The following PCDH9 variants were observed in gnomAD, a reference collection of about 807,000 sequenced individuals.
The protein encoded by PCDH9 is protocadherin 9.
In PCDH9, 24 loss-of-function variants were observed where a neutral mutation model predicts 70.6. The ratio of observed to expected loss-of-function variants is 0.34; its 90% confidence interval spans 0.25 to 0.48. The LOEUF (loss-of-function observed/expected upper bound fraction) is 0.48, where lower values mean the gene tolerates loss of function less well. Ranked by LOEUF, PCDH9 falls within the 20% of genes least tolerant of loss-of-function variation. PCDH9 has a pLI of 0.99. For synonymous variants in PCDH9, 562 were observed against 558.5 expected, an observed-to-expected ratio of 1.01 and a Z score of -0.09; for missense variants, 1,281 against 1,503.6, an observed-to-expected ratio of 0.85 and a Z score of 2.45.
intron 2 of PCDH9, among the ~76,000 whole-genome samples, chr13:67,101,979 T>A (rs1238195759): frequency 2.0e-5 from 3 of 152,108 alleles, no homozygotes; most frequent in Non-Finnish European, 4.4e-5. Context: ...CACTACCGAG[T>A]CCTTGTTAAA....
chr13:67,114,424 T>A (rs1174636897), intron 2 of PCDH9, among the ~76,000 whole-genome samples: 2 of 152,306 alleles, frequency 1.3e-5, no homozygotes, highest in East Asian at 3.9e-4. Context: ...AGTTTCAAAT[T>A]GTAGAAAAAA....
intron 4 of PCDH9, among the ~76,000 whole-genome samples, chr13:66,350,540 T>C (rs1055141120): frequency 5.9e-5 from 9 of 152,182 alleles, no homozygotes; most frequent in African/African-American, 2.2e-4. Context: ...TAGTCTCATC[T>C]AGTCTCAGAT....
At chr13:67,014,971 G>C (rs1401396987) in intron 2 of PCDH9, among the ~76,000 whole-genome samples, 1 of 151,928 alleles carries the variant, frequency 6.6e-6, no homozygotes, top group Non-Finnish European at 1.5e-5. Flanking sequence ...ATTTCACAGT[G>C]AATTCATAAC....
intron 3 of PCDH9, among the ~76,000 whole-genome samples, chr13:66,827,374 A>AAAG (rs1319476018): frequency 1.3e-5 from 2 of 151,408 alleles, no homozygotes; most frequent in East Asian, 3.9e-4. Context: ...AAAAAAAAAA[A>AAAG]GAAAAAAAAG....
chr13:66,943,210 C>T (rs1242806091), intron 2 of PCDH9, among the ~76,000 whole-genome samples: 1 of 151,954 alleles, frequency 6.6e-6, no homozygotes, highest in Non-Finnish European at 1.5e-5. Flanking sequence ...TTTTATATTA[C>T]AATGGTTTGC....
chr13:67,042,010 T>C (rs1413001458), intron 2 of PCDH9, among the ~76,000 whole-genome samples: 1 of 152,038 alleles, frequency 6.6e-6, no homozygotes, highest in Non-Finnish European at 1.5e-5. Context: ...TTCTCCATTC[T>C]CTCTTTCCTT....
rs544639886 is a variant in PCDH9 at position 66,791,724 on chromosome 13, C to T, written c.3138+111780G>A. ...AAATGCTATCATTTGCCATTACTTT[C>T]AATGGAAAAAATCGCAATTACTTTT... is the stretch of plus-strand genomic sequence containing the variant. On this transcript the variant is annotated intron_variant, in intron 3 of 4. Transcript: ENST00000377865. 1.2e-4 allele frequency among the ~76,000 whole-genome samples: 18 copies of T among 152,112 alleles called. No homozygotes were observed. The East Asian group carries it at 2.1e-3, about 18-fold the overall frequency.
At chr13:66,692,334 G>A (rs1408079769) in intron 3 of PCDH9, among the ~76,000 whole-genome samples, 2 of 152,008 alleles carry the variant, frequency 1.3e-5, no homozygotes, top group African/African-American at 2.4e-5. Flanking sequence ...CTGTTGGACT[G>A]AAGCATCATA....
intron 4 of PCDH9, among the ~76,000 whole-genome samples, chr13:66,493,797 T>C (rs1032421825): frequency 3.9e-5 from 6 of 152,276 alleles, no homozygotes; most frequent in African/African-American, 1.4e-4. Flanking sequence ...TCAATACTTT[T>C]GTTTTTCATA....
chr13:67,135,970 A>G (rs2087222836), intron 2 of PCDH9, among the ~76,000 whole-genome samples: 1 of 152,162 alleles, frequency 6.6e-6, no homozygotes, highest in Admixed American at 6.6e-5. Flanking sequence ...TGCCTCCTCA[A>G]CTACTACTAC....
intron 4 of PCDH9, among the ~76,000 whole-genome samples, chr13:66,390,780 C>A (rs1361302793): frequency 6.6e-6 from 1 of 151,666 alleles, no homozygotes; most frequent in Non-Finnish European, 1.5e-5. Context: ...TACAACATTG[C>A]CTTAGAGACT....
At chr13:67,019,861 T>G (rs1324276284) in intron 2 of PCDH9, among the ~76,000 whole-genome samples, 3 of 152,164 alleles carry the variant, frequency 2.0e-5, no homozygotes, top group African/African-American at 7.2e-5. Context: ...ATGAGCAAAC[T>G]CTTTTGGCTG....
chr13:66,420,499 C>A lies in PCDH9; in HGVS notation c.3341-115471G>T, dbSNP rs555419201. Among the ~76,000 whole-genome samples, 21 of 152,314 alleles carry A rather than the reference C, an allele frequency of 1.4e-4. 1 individual carries two copies. The South Asian group carries it at 4.3e-3, about 32-fold the overall frequency. On this transcript the variant is annotated intron_variant, in intron 4 of 4. Transcript: ENST00000377865. ...TCCAGAGGAAGGAGCAGGCAGCAAT[C>A]TTTGCTGTTCTGCAGCCTCTGCTGG... is the stretch of plus-strand genomic sequence containing the variant.
At chr13:66,442,248 A>G (rs1230294892) in intron 4 of PCDH9, among the ~76,000 whole-genome samples, 1 of 152,180 alleles carries the variant, frequency 6.6e-6, no homozygotes, top group African/African-American at 2.4e-5. Flanking sequence ...TTTAGAGATC[A>G]CTATAGAAGT....
At chr13:66,449,266 G>A (rs1055525650) in intron 4 of PCDH9, among the ~76,000 whole-genome samples, 7 of 151,796 alleles carry the variant, frequency 4.6e-5, no homozygotes, top group African/African-American at 9.7e-5. Flanking sequence ...GTTAATGAGA[G>A]TGAAACTGAA....
chr13:66,742,499 T>A (rs996583311), intron 3 of PCDH9, among the ~76,000 whole-genome samples: 3 of 147,696 alleles, frequency 2.0e-5, no homozygotes, highest in Admixed American at 1.4e-4. Context: ...AAATGGGATC[T>A]AATTAAACTA....
chr13:66,615,559 T>C (rs919053945), intron 4 of PCDH9, among the ~76,000 whole-genome samples: 2 of 152,224 alleles, frequency 1.3e-5, no homozygotes, highest in Non-Finnish European at 2.9e-5. Context: ...TAATGAACTA[T>C]AAAACTTTAG....
intron 4 of PCDH9, among the ~76,000 whole-genome samples, chr13:66,579,128 A>G (rs992733558): frequency 3.9e-5 from 6 of 152,110 alleles, no homozygotes; most frequent in African/African-American, 1.4e-4. Flanking sequence ...TTCTACAGGT[A>G]CGTGGTTCCT....
chr13:67,051,073 C>T (rs2085312532), intron 2 of PCDH9, among the ~76,000 whole-genome samples: 2 of 152,120 alleles, frequency 1.3e-5, no homozygotes, highest in South Asian at 4.1e-4. Flanking sequence ...GACGCAGTAG[C>T]ACAAGGGATC....
Sources: gnomAD v4.1 joint callset for allele counts (sites outside exome capture counted in the v4.1 genomes callset) on GRCh38, gnomAD v4.1.1 for gene constraint, MANE v1.5 for transcripts, NCBI Gene and HGNC (gene_info 2026-07-23, HGNC 2026-07-21) for gene names.